The following SEL1L2 variants were observed in gnomAD, a reference collection of about 807,000 sequenced individuals.
SEL1L2 encodes SEL1L2 adaptor subunit of SYVN1 ubiquitin ligase.
SEL1L2 carries 89 observed loss-of-function variants against 98.8 expected under a neutral mutation model. The observed-to-expected ratio is 0.90, with a 90% CI of 0.76 to 1.07. The LOEUF (loss-of-function observed/expected upper bound fraction) is 1.07, where lower values mean the gene tolerates loss of function less well. Ranked by LOEUF, SEL1L2 falls within the 50% of genes least tolerant of loss-of-function variation. SEL1L2 has a pLI of 0.00. For synonymous variants in SEL1L2, 262 were observed against 278.5 expected (o/e 0.94, Z 0.59); for missense variants, 788 against 812.0 (o/e 0.97, Z 0.36).
intron 1 of SEL1L2, among the ~76,000 whole-genome samples, chr20:13,958,629 G>A (rs2148457109): frequency 6.6e-6 from 1 of 152,236 alleles, no homozygotes; most frequent in East Asian, 1.9e-4. Flanking sequence ...CAGTGCAGTG[G>A]TGGTTCAAGA....
intron 1 of SEL1L2, among the ~76,000 whole-genome samples, chr20:13,972,050 TGAGGA>T (rs1350859105): frequency 6.6e-6 from 1 of 152,132 alleles, no homozygotes; most frequent in Admixed American, 6.6e-5. Flanking sequence ...TCTGTGTGTG[TGAGGA>T]CACACACACA....
chr20:13,973,009 G>C (rs1330843188), intron 1 of SEL1L2, among the ~76,000 whole-genome samples: 1 of 151,964 alleles, frequency 6.6e-6, no homozygotes, highest in Non-Finnish European at 1.5e-5. Flanking sequence ...CTATTGTATG[G>C]ATATTGTAAC....
chr20:13,985,794 AGTC>A (rs2052147267), intron 1 of SEL1L2, among the ~76,000 whole-genome samples: 1 of 152,196 alleles, frequency 6.6e-6, no homozygotes, highest in Non-Finnish European at 1.5e-5. Flanking sequence ...TGTACCCCTT[AGTC>A]ATCATTCCCC....
At chr20:13,881,412 GT>G (rs2046695900) in intron 10 of SEL1L2, among the ~76,000 whole-genome samples, 1 of 152,156 alleles carries the variant, frequency 6.6e-6, no homozygotes, top group Non-Finnish European at 1.5e-5. Flanking sequence ...AGACAAAGCA[GT>G]TGCCCTTACA....
At position 13,866,644 on chromosome 20, in the gene SEL1L2, C is replaced by T. The variant is rs1410405472; in HGVS notation, c.1404+58G>A. The T allele has an allele frequency of 6.0e-6, 8 of 1,336,054 alleles. No homozygotes were observed. The Admixed American group carries it at 8.4e-5, about 14-fold the overall frequency. The allele number at this position is 1,336,054 out of a possible 1,614,324, so 82.8% of individuals were successfully genotyped here. On this transcript the variant is annotated intron_variant, in intron 15 of 19. Transcript: ENST00000284951. ...GACACCAACAATTTAAGAACAGTAT[C>T]ACCTCCTCTGTGTCATATATGACAA...
intron 5 of SEL1L2, among the ~76,000 whole-genome samples, chr20:13,890,505 A>G (rs1246713928): frequency 6.6e-6 from 1 of 152,208 alleles, no homozygotes. Context: ...AACTGTGCTG[A>G]TTGGTGAAGA....
chr20:13,982,159 T>G (rs1601032101), intron 1 of SEL1L2, among the ~76,000 whole-genome samples: 1 of 152,166 alleles, frequency 6.6e-6, no homozygotes, highest in East Asian at 1.9e-4. Context: ...ATTAACTTTT[T>G]GTTGTTTTGC....
intron 3 of SEL1L2, among the ~76,000 whole-genome samples, chr20:13,926,834 A>G (rs1236022401): frequency 1.3e-5 from 2 of 152,290 alleles, no homozygotes; most frequent in East Asian, 1.9e-4. Flanking sequence ...GACTTAAGAC[A>G]AGGTTCCAAG....
Position 13,865,438 on chromosome 20 carries a change from T to C in SEL1L2, c.1481A>G (p.Asp494Gly), listed in dbSNP as rs143493878. The change falls in exon 16 of 20, where the codon GAT becomes GGT. Residue 494 changes from aspartate (D) to glycine (G), a missense_variant. Asp to Gly is a moderately conservative substitution (Grantham distance 94, BLOSUM62 -1). Transcript: ENST00000284951. ...LTAYFAYKDGDIDSSLVQYAL... is the reference protein window; with the variant it reads ...LTAYFAYKDGGIDSSLVQYAL... ...ATACTGAACAAGAGAAGAATCTATATCACCATCCTTATAGGCAAAGTAAGC... is the reference window on the plus strand; with the variant it reads ...ATACTGAACAAGAGAAGAATCTATACCACCATCCTTATAGGCAAAGTAAGC... The C allele has an allele frequency of 3.2e-4, 517 of 1,614,110 alleles. 3 individuals are homozygous for C. The African/African-American group carries it at 5.9e-3, about 18-fold the overall frequency.
In SEL1L2 at chr20:13,876,133, A is replaced by G; in HGVS notation, c.1027-18T>C. The G allele has an allele frequency of 6.3e-7, 1 of 1,583,360 alleles. No homozygotes were observed. Among genetic ancestry groups the G allele is most frequent in the South Asian group, 1.1e-5 (1 of 90,346 alleles). ...AAATACATCTAGGAAGAAAAATGAA[A>G]AGAGGATAGAAAAAACAAAATAATT... On this transcript the variant is annotated intron_variant, in intron 11 of 19. Transcript: ENST00000284951.
intron 1 of SEL1L2, among the ~76,000 whole-genome samples, chr20:13,960,059 T>C (rs1284030742): frequency 6.6e-6 from 1 of 152,208 alleles, no homozygotes; most frequent in Non-Finnish European, 1.5e-5. Flanking sequence ...GTGACTGATA[T>C]TATAGTCACA....
intron 12 of SEL1L2, among the ~76,000 whole-genome samples, chr20:13,872,458 C>T (rs2046246554): frequency 2.0e-5 from 3 of 152,108 alleles, no homozygotes; most frequent in South Asian, 2.1e-4. Context: ...TGAAGAAGGA[C>T]GTGGTTGCTT....
At chr20:13,910,125 T>A (rs1487200537) in intron 5 of SEL1L2, among the ~76,000 whole-genome samples, 1 of 152,166 alleles carries the variant, frequency 6.6e-6, no homozygotes, top group African/African-American at 2.4e-5. Context: ...AAAACACACG[T>A]ATCTAAGTAA....
intron 2 of SEL1L2, among the ~76,000 whole-genome samples, chr20:13,946,618 G>C (rs1341546188): frequency 6.6e-6 from 1 of 152,258 alleles, no homozygotes; most frequent in African/African-American, 2.4e-5. Context: ...CTGGGAACAG[G>C]AGGGAGCCAT....
chr20:13,971,008 G>C (rs929990900), intron 1 of SEL1L2, among the ~76,000 whole-genome samples: 4 of 151,128 alleles, frequency 2.6e-5, no homozygotes, highest in African/African-American at 9.7e-5. Flanking sequence ...GTGTCTCACT[G>C]TTAATTTTCA....
intron 1 of SEL1L2, among the ~76,000 whole-genome samples, chr20:13,958,780 CA>C (rs997188601): frequency 2.0e-3 from 273 of 137,146 alleles, no homozygotes; most frequent in Middle Eastern, 3.7e-3. Context: ...ACTAAAAATA[CA>C]AAAAAAAAAA....
At chr20:13,961,670 C>A (rs1304338154) in intron 1 of SEL1L2, among the ~76,000 whole-genome samples, 1 of 152,136 alleles carries the variant, frequency 6.6e-6, no homozygotes, top group East Asian at 1.9e-4. Flanking sequence ...CAAACATGGG[C>A]CATTTCTTAT....
At chr20:13,882,812 C>CTTTTTTTT (rs759286946) in intron 10 of SEL1L2, among the ~76,000 whole-genome samples, 4 of 107,244 alleles carry the variant, frequency 3.7e-5, no homozygotes, top group Non-Finnish European at 5.5e-5. Context: ...GTCAATTTGT[C>CTTTTTTTT]TTTTTTTTTT....
rs1020688341 is a variant in SEL1L2, at chr20:13,977,456, G to A, written c.58+13021C>T. Reference sequence around the variant, plus strand: ...GATTGGTAATCAATGAGCTGTTGGCGTTCTTTGAGAAAGCAGTTTCAATTG... The same window carrying A: ...GATTGGTAATCAATGAGCTGTTGGCATTCTTTGAGAAAGCAGTTTCAATTG... On this transcript the variant is annotated intron_variant, in intron 1 of 19. Transcript: ENST00000284951. Among the ~76,000 whole-genome samples, 8 of 152,196 alleles carry A rather than the reference G, an allele frequency of 5.3e-5. No individual in the cohort carries two copies. In the East Asian group the frequency reaches 1.2e-3, roughly 22 times the overall value.
Sources: gnomAD v4.1 joint callset for allele counts (sites outside exome capture counted in the v4.1 genomes callset) on GRCh38, gnomAD v4.1.1 for gene constraint, MANE v1.5 for transcripts, NCBI Gene and HGNC (gene_info 2026-07-23, HGNC 2026-07-21) for gene names.